NPC1: variants seen among roughly 807,000 people sequenced by gnomAD.
The protein encoded by NPC1 is Niemann-Pick C1 protein.
Under a neutral mutation model 140.4 loss-of-function variants are expected in NPC1, and 85 were observed. The ratio of observed to expected loss-of-function variants is 0.61; its 90% CI spans 0.51 to 0.72. NPC1 has a LOEUF of 0.72. Ranked by LOEUF, NPC1 falls within the 30% of genes least tolerant of loss-of-function variation. The pLI is 0.00. For synonymous variants in NPC1, 656 were observed against 624.8 expected (o/e 1.05, Z -0.74); for missense variants, 1,504 against 1,623.8 (o/e 0.93, Z 1.27).
intron 6 of NPC1, 78 bp downstream of exon 6, chr18:23,560,153 G>A (rs2059017054): frequency 6.4e-7 from 1 of 1,573,404 alleles, no homozygotes. Context: ...AAGTAACCAA[G>A]CTCTGACAAA....
chr18:23,582,544 G>A (rs1046154353), intron 1 of NPC1, among the ~76,000 whole-genome samples: 4 of 152,192 alleles, frequency 2.6e-5, no homozygotes, highest in Admixed American at 6.5e-5. Flanking sequence ...GCTCACACCT[G>A]TAATCCCAGC....
At chr18:23,574,656 C>G (rs2059249562) in intron 1 of NPC1, among the ~76,000 whole-genome samples, 3 of 152,144 alleles carry the variant, frequency 2.0e-5, no homozygotes, top group Non-Finnish European at 4.4e-5. Flanking sequence ...TCCAAGGCAT[C>G]AATATCACTT....
At chr18:23,559,184 C>A (rs150347491) in intron 6 of NPC1, among the ~76,000 whole-genome samples, 3 of 152,042 alleles carry the variant, frequency 2.0e-5, no homozygotes, top group Admixed American at 6.5e-5. Context: ...TATAAACATA[C>A]GTGTGCATGT....
intron 4 of NPC1, among the ~76,000 whole-genome samples, chr18:23,567,747 C>CA (rs2059146761): frequency 6.6e-6 from 1 of 152,154 alleles, no homozygotes; most frequent in Non-Finnish European, 1.5e-5. Context: ...CTACGTACTG[C>CA]AAAGTTGTTT....
In NPC1 at chr18:23,572,105, T is replaced by C. The variant is rs1386653803; in HGVS notation, c.256A>G (p.Asn86Asp). ...AGAAACTGTAGAGGCAGCTGCAGGT[T>C]GTCTTTTAGTGTCTGAAGCTGCCGA... The part of the protein sequence containing the change: ...DVRQLQTLKD[N>D]LQLPLQFLSR... The change falls in exon 3 of 25, where the codon AAC becomes GAC. Residue 86 changes from asparagine (N) to aspartate (D), a missense_variant. Asn to Asp is a conservative substitution (Grantham distance 23). Coordinates refer to ENST00000269228, the MANE Select transcript of NPC1 (RefSeq NM_000271.5). 2 of 1,613,730 alleles carry C rather than the reference T, an allele frequency of 1.2e-6. No homozygotes were observed. Among genetic ancestry groups the C allele is most frequent in the Non-Finnish European group, 1.7e-6 (2 of 1,179,844 alleles).
At chr18:23,585,082 AC>A (rs921839571) in intron 1 of NPC1, among the ~76,000 whole-genome samples, 1 of 151,980 alleles carries the variant, frequency 6.6e-6, no homozygotes, top group African/African-American at 2.4e-5. Context: ...ATTTTAAAAA[AC>A]TCTAGGGAAA....
intron 23 of NPC1, 140 bp from the exon 24 acceptor site, chr18:23,533,657 C>A (rs1057438042): frequency 2.5e-6 from 2 of 796,052 alleles, no homozygotes; most frequent in African/African-American, 3.4e-5. Flanking sequence ...AACAGGTGCA[C>A]GCCACCATGC....
rs930458467 is a variant in NPC1 at position 23,507,946 on chromosome 18, A to G, written c.432-1304T>C. On this transcript the variant is annotated intron_variant, in intron 3 of 3. Coordinates refer to the NPC1 transcript ENST00000591107. ...AACGTAGGTTGGCAGTATGCTGCCT[A>G]ATCCAAATTTGTGTGTGTCTGTGTG... 3.8e-6 allele frequency: 6 copies of G among 1,596,376 alleles called. No individual in the cohort carries two copies. The African/African-American group carries it at 8.1e-5, about 21-fold the overall frequency.
intron 3 of NPC1, among the ~76,000 whole-genome samples, chr18:23,570,463 T>C (rs112141565): frequency 9.2e-5 from 14 of 152,260 alleles, no homozygotes; most frequent in African/African-American, 2.9e-4. Context: ...CTGGCCCAAT[T>C]ACAGCCTCAA....
Position 23,512,035 on chromosome 18 carries a change from T to C in NPC1, c.432-5393A>G, listed in dbSNP as rs1443575631. Among the ~76,000 whole-genome samples, 18 of 151,082 alleles carry C rather than the reference T, an allele frequency of 1.2e-4. No individual in the cohort carries two copies. In the East Asian group the frequency reaches 2.9e-3, roughly 24 times the overall value. On this transcript the variant is annotated intron_variant, in intron 3 of 3. Transcript: ENST00000591107. The stretch of plus-strand genomic sequence containing the variant: ...GAAAGACTTTTTTTTTTTTTTTTTT[T>C]TCTGAGACAGAGTCTCACTCCGTCG...
intron 4 of NPC1, among the ~76,000 whole-genome samples, chr18:23,563,129 T>C (rs1223344022): frequency 6.6e-6 from 1 of 152,232 alleles, no homozygotes; most frequent in Non-Finnish European, 1.5e-5. Flanking sequence ...ATATAATATG[T>C]GGTCTTTCAT....
rs772150994 is a variant in NPC1 at position 23,544,950 on chromosome 18, C to CCCCCT, written c.1947+9_1947+10insAGGGG. The CCCCCT allele has an allele frequency of 7.8e-6, 11 of 1,415,872 alleles. No homozygotes were observed. The highest frequency in any genetic ancestry group is 2.5e-5 in the East Asian group (1 of 39,564). 87.7% of individuals were successfully genotyped at this position (1,415,872 alleles called of 1,614,324 possible). A position where few individuals can be genotyped will look rare whatever the true frequency, so the allele number is the denominator to read the frequency against. On this transcript the variant is annotated intron_variant, in intron 12 of 24. Transcript: ENST00000269228. ...ACCTCTAGAACATACACCACCCCCC[C>CCCCCT]CCGGCTTACCAGAAGCCTGCGACAG...
At chr18:23,543,950 A>C (rs539594282) in intron 13 of NPC1, among the ~76,000 whole-genome samples, 1 of 152,180 alleles carries the variant, frequency 6.6e-6, no homozygotes, top group African/African-American at 2.4e-5. Context: ...TTGCCTTTTT[A>C]GTGGCACCTT....
chr18:23,566,591 A>AAAG (rs1222063389), intron 4 of NPC1, among the ~76,000 whole-genome samples: 1 of 150,870 alleles, frequency 6.6e-6, no homozygotes, highest in Non-Finnish European at 1.5e-5. Context: ...CAAAAAATAA[A>AAAG]ATACTTACAC....
intron 8 of NPC1, among the ~76,000 whole-genome samples, 179 bp from the exon 9 acceptor site, chr18:23,555,163 C>T (rs1464872110): frequency 6.6e-6 from 1 of 152,234 alleles, no homozygotes; most frequent in Non-Finnish European, 1.5e-5. Context: ...GCCACAGGCC[C>T]ACTCTAACAG....
At chr18:23,563,943 T>C (rs1399023611) in intron 4 of NPC1, among the ~76,000 whole-genome samples, 6 of 152,000 alleles carry the variant, frequency 3.9e-5, no homozygotes, top group African/African-American at 1.4e-4. Flanking sequence ...TCAGATCTTT[T>C]GCCATTTTAA....
intron 21 of NPC1, 75 bp from the exon 22 acceptor site, chr18:23,535,775 G>A (rs2058620938): frequency 2.0e-6 from 2 of 977,886 alleles, no homozygotes; most frequent in African/African-American, 3.2e-5. Flanking sequence ...TGTCACCACT[G>A]CCAAGTGGTC....
chr18:23,530,652 C>A, downstream of NPC1: 1 of 1,585,132 alleles, frequency 6.3e-7, no homozygotes, highest in South Asian at 1.1e-5. Context: ...ACCATAGCCT[C>A]AAAGAGTAGC....
At chr18:23,563,849 T>C (rs1235923884) in intron 4 of NPC1, among the ~76,000 whole-genome samples, 1 of 152,186 alleles carries the variant, frequency 6.6e-6, no homozygotes, top group Non-Finnish European at 1.5e-5. Flanking sequence ...TGATTTGTAT[T>C]TCCCTGATGA....
Sources: allele counts gnomAD v4.1 joint callset (sites outside exome capture counted in the v4.1 genomes callset), GRCh38; gene constraint gnomAD v4.1.1; transcripts MANE v1.5; gene names NCBI Gene and HGNC (gene_info 2026-07-23, HGNC 2026-07-21).